The following CNOT2 variants were observed in gnomAD, a reference collection of about 807,000 sequenced individuals.
The protein encoded by CNOT2 is CC chemokine receptor 4-negative regulator of transcription 2.
A neutral mutation model predicts 72.1 loss-of-function variants in CNOT2; 7 were observed. The ratio of observed to expected loss-of-function variants is 0.10; its 90% CI spans 0.06 to 0.18. CNOT2 has a LOEUF of 0.18. Among genes scored for constraint, CNOT2 ranks in the 10% least tolerant of loss-of-function variants. The pLI, the probability that CNOT2 is intolerant of heterozygous loss-of-function variation, is 1.00. For missense variants in CNOT2, 345 were observed against 660.3 expected (o/e 0.52, Z 5.23); for synonymous variants, 196 against 225.6 (o/e 0.87, Z 1.17).
intron 2 of CNOT2, among the ~76,000 whole-genome samples, chr12:70,305,937 G>C (rs1328068820): frequency 2.5e-5 from 2 of 78,822 alleles, no homozygotes; most frequent in Non-Finnish European, 4.6e-5. Context: ...ATTTGGCTTT[G>C]AAATACTGTA....
chr12:70,302,075 G>T (rs981353125), intron 2 of CNOT2, among the ~76,000 whole-genome samples: 50 of 152,072 alleles, frequency 3.3e-4, no homozygotes, highest in East Asian at 2.5e-3. Flanking sequence ...ATCCCCTTTG[G>T]CATTTTTTAT....
chr12:70,295,264 G>A (rs1053916970), intron 2 of CNOT2, among the ~76,000 whole-genome samples: 1 of 152,164 alleles, frequency 6.6e-6, no homozygotes, highest in Non-Finnish European at 1.5e-5. Flanking sequence ...GAAAGTATGT[G>A]AGGGTTAAAA....
chr12:70,268,814 A>G (rs1201685914), intron 1 of CNOT2, among the ~76,000 whole-genome samples: 1 of 152,156 alleles, frequency 6.6e-6, no homozygotes, highest in Admixed American at 6.5e-5. Flanking sequence ...AAACAAAATC[A>G]TAAGTCCGTG....
intron 8 of CNOT2, chr12:70,336,587 A>G (rs1227634805): frequency 6.6e-6 from 1 of 152,062 alleles, no homozygotes; most frequent in African/African-American, 2.4e-5. Context: ...TATATGAAGA[A>G]GGGAAACATT....
chr12:70,297,734 A>ATTTTTTTTTTTT, intron 2 of CNOT2: 1 of 358,770 alleles, frequency 2.8e-6, no homozygotes, highest in Non-Finnish European at 5.5e-6. Flanking sequence ...TTGGATAATA[A>ATTTTTTTTTTTT]TTTTTTTTTG....
intron 2 of CNOT2, chr12:70,301,683 T>C (rs968122949): frequency 3.3e-5 from 5 of 151,978 alleles, no homozygotes; most frequent in Non-Finnish European, 5.9e-5. Context: ...CTAAAATTCT[T>C]TTTTTGTTGT....
At chr12:70,306,051 T>TG (rs1875314334) in intron 2 of CNOT2, among the ~76,000 whole-genome samples, 2 of 152,164 alleles carry the variant, frequency 1.3e-5, no homozygotes, top group Non-Finnish European at 2.9e-5. Context: ...AGTGGCTCCA[T>TG]TACGTCTTCC....
intron 2 of CNOT2, among the ~76,000 whole-genome samples, chr12:70,308,584 T>TCTCTCTCTCTCTCTCTCACACACA (rs550679130): frequency 4.5e-5 from 6 of 133,240 alleles, no homozygotes; most frequent in African/African-American, 1.7e-4. Flanking sequence ...TCTCTCTCTC[T>TCTCTCTCTCTCTCTCTCACACACA]CACACACACA....
Position 70,245,823 on chromosome 12 carries a change from A to G in CNOT2, c.-96+2343A>G, listed in dbSNP as rs374177653. Among the ~76,000 whole-genome samples, 14 of 152,300 alleles carry G rather than the reference A, an allele frequency of 9.2e-5. No homozygotes were observed. In the East Asian group the frequency reaches 1.7e-3, roughly 19 times the overall value. ...CTTTGTTTTTGCTTTATAACTTTGG[A>G]TGTTGCACTTTTTGATTTTTCAGAG... On this transcript the variant is annotated intron_variant, in intron 1 of 15. Transcript: ENST00000229195.
rs544326242 is a variant in CNOT2, at chr12:70,313,076, A to T, written c.171+2059A>T. 1.6e-4 allele frequency among the ~76,000 whole-genome samples: 25 copies of T among 152,154 alleles called. No individual in the cohort carries two copies. In the South Asian group the frequency reaches 5.0e-3, roughly 30 times the overall value. ...TGCCAACAAGAATACCAGCAATTAC[A>T]TTTAAGTCTTTGCTAATAGACAAGC... is the stretch of plus-strand genomic sequence containing the variant. On this transcript the variant is annotated intron_variant, in intron 3 of 15. Coordinates refer to ENST00000229195, the MANE Select transcript of CNOT2 (RefSeq NM_014515.7).
intron 7 of CNOT2, chr12:70,334,675 G>C (rs1321721176): frequency 6.6e-6 from 1 of 152,080 alleles, no homozygotes; most frequent in Non-Finnish European, 1.5e-5. Flanking sequence ...ACAAAGTAGA[G>C]AAGTTGGGTT....
chr12:70,283,333 A>C (rs74835588), intron 2 of CNOT2, among the ~76,000 whole-genome samples: 11,810 of 152,078 alleles, frequency 0.078, 579 homozygotes, highest in Admixed American at 0.15. Context: ...AGTGCTGTGC[A>C]CCTGTAGTCC....
chr12:70,338,561 A>T lies in CNOT2; in HGVS notation c.1019A>T (p.Asp340Val). 1 of 1,607,418 alleles carries T rather than the reference A, an allele frequency of 6.2e-7. No homozygotes were observed. Among genetic ancestry groups the T allele is most frequent in the Non-Finnish European group, 8.5e-7 (1 of 1,178,128 alleles). Residue 340 changes from aspartate (D) to valine (V), a missense_variant and splice_region_variant, in exon 10 of 16, where the codon GAT becomes GTT. By Grantham distance (152) the Asp-to-Val change is radical (BLOSUM62 -3). This residue lies in a region of CNOT2 where 128 missense variants were observed against 233.0 expected (regional missense o/e 0.55). Coordinates refer to ENST00000229195, the MANE Select transcript of CNOT2 (RefSeq NM_014515.7). ...AAAAAAGGGATCCAGGTGTTACCTGATGGTGGGACTCTAGAAATCTATGTC... is the reference window on the plus strand; with the variant it reads ...AAAAAAGGGATCCAGGTGTTACCTGTTGGTGGGACTCTAGAAATCTATGTC... ...QQKKGIQVLP[D>V]GRVTNIPQGM...
chr12:70,261,818 G>C (rs1181357547), intron 1 of CNOT2, among the ~76,000 whole-genome samples: 1 of 151,564 alleles, frequency 6.6e-6, no homozygotes, highest in African/African-American at 2.4e-5. Flanking sequence ...CACCAGTGAA[G>C]CTGCCTGGGC....
chr12:70,298,373 G>GAGTC (rs1393997196), intron 2 of CNOT2, among the ~76,000 whole-genome samples: 3 of 152,114 alleles, frequency 2.0e-5, no homozygotes, highest in Non-Finnish European at 4.4e-5. Flanking sequence ...GTATATTTGA[G>GAGTC]AGTCAGTGTA....
At chr12:70,322,575 C>T (rs141688153) in intron 4 of CNOT2, 1 of 151,762 alleles carries the variant, frequency 6.6e-6, no homozygotes, top group African/African-American at 2.4e-5. Flanking sequence ...ATTCATTATA[C>T]AAATTTGTGT....
chr12:70,275,799 C>T (rs894783493), intron 1 of CNOT2, among the ~76,000 whole-genome samples: 7 of 152,028 alleles, frequency 4.6e-5, no homozygotes, highest in Admixed American at 3.9e-4. Context: ...CTCTCTTTGA[C>T]GTATTGTACA....
At chr12:70,272,535 T>C (rs544787002) in intron 1 of CNOT2, among the ~76,000 whole-genome samples, 3 of 152,216 alleles carry the variant, frequency 2.0e-5, no homozygotes, top group African/African-American at 4.8e-5. Flanking sequence ...TTCTTACTCT[T>C]TGTTTTCTTA....
chr12:70,344,044 C>A, intron 13 of CNOT2, 84 bp from the exon 14 acceptor site: 1 of 793,038 alleles, frequency 1.3e-6, no homozygotes, highest in South Asian at 1.9e-5. Flanking sequence ...TTTATCTCTC[C>A]ATTTTTTCTT....
Sources: gnomAD v4.1 joint callset for allele counts (sites outside exome capture counted in the v4.1 genomes callset) on GRCh38, gnomAD v4.1.1 for gene constraint, gnomAD v4.1.1 regional missense constraint, MANE v1.5 for transcripts, NCBI Gene and HGNC (gene_info 2026-07-23, HGNC 2026-07-21) for gene names.